The following VAPB variants were observed in gnomAD, a reference collection of about 807,000 sequenced individuals.
The protein encoded by VAPB is vesicle-associated membrane protein-associated protein B/C.
A neutral mutation model predicts 25.6 loss-of-function variants in VAPB; 7 were observed. That is an observed-to-expected ratio of 0.27 (90% confidence interval 0.16 to 0.51). VAPB has a LOEUF of 0.51. Ranked by LOEUF, VAPB falls within the 20% of genes least tolerant of loss-of-function variation. The probability of loss-of-function intolerance (pLI) is 0.97; values close to 1 mark genes in which losing one functional copy is unlikely to be tolerated. For missense variants in VAPB, 266 were observed against 301.3 expected (o/e 0.88, Z 0.87); for synonymous variants, 112 against 109.2 (o/e 1.03, Z -0.16).
chr20:58,442,954 A>G (rs746323576), intron 5 of VAPB, among the ~76,000 whole-genome samples: 2 of 152,172 alleles, frequency 1.3e-5, no homozygotes, highest in African/African-American at 4.8e-5. Context: ...TTAGCAAGAG[A>G]TCTATCAGCA....
intron 1 of VAPB, among the ~76,000 whole-genome samples, chr20:58,414,411 G>A (rs1160031580): frequency 6.8e-6 from 1 of 146,912 alleles, no homozygotes; most frequent in Admixed American, 6.7e-5. Context: ...GGGCGGAGAG[G>A]CTCCCCACCC....
chr20:58,405,043 A>T (rs1490883730), intron 1 of VAPB, among the ~76,000 whole-genome samples: 1 of 152,202 alleles, frequency 6.6e-6, no homozygotes, highest in Non-Finnish European at 1.5e-5. Context: ...GGTGTCAGGC[A>T]GTAGGTGATA....
chr20:58,428,718 A>G (rs910860), intron 2 of VAPB, among the ~76,000 whole-genome samples: 51,092 of 152,132 alleles, frequency 0.34, 8,908 homozygotes, highest in African/African-American at 0.35. Context: ...CAATTTGCAC[A>G]TATGGAGCTG....
intron 1 of VAPB, among the ~76,000 whole-genome samples, chr20:58,408,983 C>A (rs1988307421): frequency 7.3e-6 from 1 of 136,794 alleles, no homozygotes. Context: ...GGGTGTAATG[C>A]TGGAACAGGA....
chr20:58,390,968 G>A (rs1310924065), intron 1 of VAPB, among the ~76,000 whole-genome samples: 2 of 152,304 alleles, frequency 1.3e-5, no homozygotes, highest in South Asian at 2.1e-4. Flanking sequence ...TGAAAAAACC[G>A]AAAAACCCCA....
Position 58,444,572 on chromosome 20 carries a change from T to C in VAPB, c.*337T>C. The C allele has an allele frequency of 2.1e-6, 1 of 469,334 alleles. No individual in the cohort carries two copies. The highest frequency in any genetic ancestry group is 1.5e-5 in the South Asian group (1 of 64,622). The allele number at this position is 469,334 out of a possible 1,614,324, so 29.1% of individuals were successfully genotyped here. Reference sequence around the variant, plus strand: ...TTGGTACATGATGCTGGATTACCTCTCTTAAAATGACACCCTTCCTCGCCT... The same window carrying C: ...TTGGTACATGATGCTGGATTACCTCCCTTAAAATGACACCCTTCCTCGCCT... On this transcript the variant is annotated 3_prime_UTR_variant, in exon 6 of 6. Coordinates refer to ENST00000475243, the MANE Select transcript of VAPB (RefSeq NM_004738.5).
At chr20:58,408,695 T>C (rs939082264) in intron 1 of VAPB, among the ~76,000 whole-genome samples, 1 of 152,168 alleles carries the variant, frequency 6.6e-6, no homozygotes, top group Non-Finnish European at 1.5e-5. Context: ...TTTAATACCT[T>C]CAACCTGTAT....
intron 2 of VAPB, among the ~76,000 whole-genome samples, chr20:58,420,875 T>C (rs984846584): frequency 1.3e-5 from 2 of 152,214 alleles, no homozygotes; most frequent in Non-Finnish European, 2.9e-5. Context: ...CATCATTTAT[T>C]AGACATGCAT....
At chr20:58,418,106 C>CAT in intron 1 of VAPB, 105 bp from the exon 2 acceptor site, 1 of 1,472,668 alleles carries the variant, frequency 6.8e-7, no homozygotes, top group Non-Finnish European at 9.4e-7. Flanking sequence ...ATGAGATAAT[C>CAT]GTGGATCTCA....
At chr20:58,422,598 G>T (rs1223931657) in intron 2 of VAPB, among the ~76,000 whole-genome samples, 1 of 150,630 alleles carries the variant, frequency 6.6e-6, no homozygotes, top group Non-Finnish European at 1.5e-5. Context: ...GCTGTTAGTG[G>T]TTGTGGATTT....
intron 3 of VAPB, among the ~76,000 whole-genome samples, chr20:58,435,967 T>C (rs1273955242): frequency 6.6e-6 from 1 of 152,164 alleles, no homozygotes; most frequent in African/African-American, 2.4e-5. Flanking sequence ...TTCCTTTTAC[T>C]GACGTTGTGG....
intron 1 of VAPB, among the ~76,000 whole-genome samples, chr20:58,409,906 C>T (rs6026245): frequency 0.27 from 22,566 of 84,868 alleles, 1,816 homozygotes; most frequent in South Asian, 0.33. Context: ...TATTCATATA[C>T]ACACACACAC....
chr20:58,397,433 C>T (rs950858865), intron 1 of VAPB, among the ~76,000 whole-genome samples: 11 of 151,664 alleles, frequency 7.3e-5, no homozygotes, highest in Admixed American at 2.0e-4. Flanking sequence ...GCAGGAGAAT[C>T]GCTTGAACCT....
intron 1 of VAPB, among the ~76,000 whole-genome samples, chr20:58,416,479 T>C (rs535267725): frequency 7.9e-5 from 12 of 152,046 alleles, no homozygotes; most frequent in Admixed American, 3.9e-4. Context: ...CTTGTGAGTT[T>C]TCTGTATTTC....
intron 2 of VAPB, among the ~76,000 whole-genome samples, chr20:58,428,110 G>A (rs781080355): frequency 6.6e-6 from 1 of 152,252 alleles, no homozygotes; most frequent in Non-Finnish European, 1.5e-5. Flanking sequence ...ATTACTCCAA[G>A]GGGTGTGTGT....
intron 1 of VAPB, 36 bp from the exon 2 acceptor site, chr20:58,418,175 A>T: frequency 1.9e-6 from 3 of 1,613,836 alleles, no homozygotes; most frequent in Non-Finnish European, 1.7e-6. Context: ...AACTTTCCTC[A>T]TGAGACCCCC....
Position 58,449,775 on chromosome 20 carries a change from G to A in VAPB, c.*5540G>A, listed in dbSNP as rs1460009218. ...TGGAGATGTAATCACTTGGCTAATG[G>A]ATGTGGGTGCAGGACAGATGCTCGC... is the stretch of plus-strand genomic sequence containing the variant. On this transcript the variant is annotated 3_prime_UTR_variant, in exon 6 of 6. Coordinates refer to ENST00000475243, the MANE Select transcript of VAPB (RefSeq NM_004738.5). 1 of 453,996 alleles carries A rather than the reference G, an allele frequency of 2.2e-6. No individual in the cohort carries two copies. Among genetic ancestry groups the A allele is most frequent in the Non-Finnish European group, 4.4e-6 (1 of 226,796 alleles). The allele number at this position is 453,996 out of a possible 1,614,324, so 28.1% of individuals were successfully genotyped here. A position where few individuals can be genotyped will look rare whatever the true frequency, so the allele number is the denominator to read the frequency against.
In VAPB at chr20:58,450,450, T is replaced by C. The variant is rs1295611166; in HGVS notation, c.*6215T>C. On this transcript the variant is annotated 3_prime_UTR_variant, in exon 6 of 6. Transcript: ENST00000475243. ...GCCTAAGTAAGGTGACTCAAGATGATACACCGAGAGAAAAATGCAAAATAT... is the reference window on the plus strand; with the variant it reads ...GCCTAAGTAAGGTGACTCAAGATGACACACCGAGAGAAAAATGCAAAATAT... 2.2e-6 allele frequency: 1 copy of C among 454,118 alleles called. No individual in the cohort carries two copies. Among genetic ancestry groups the C allele is most frequent in the South Asian group, 1.6e-5 (1 of 64,470 alleles). 28.1% of individuals were successfully genotyped at this position (454,118 alleles called of 1,614,324 possible).
chr20:58,393,682 C>A (rs1455674301), intron 1 of VAPB, among the ~76,000 whole-genome samples: 2 of 152,058 alleles, frequency 1.3e-5, no homozygotes, highest in African/African-American at 4.8e-5. Context: ...TGGAAATGGT[C>A]TGTTGAACAT....
Sources: gnomAD v4.1 joint callset for allele counts (sites outside exome capture counted in the v4.1 genomes callset) on GRCh38, gnomAD v4.1.1 for gene constraint, MANE v1.5 for transcripts, NCBI Gene and HGNC (gene_info 2026-07-23, HGNC 2026-07-21) for gene names.